Variants in GATAD2B observed in about 807,000 individuals in gnomAD.
GATAD2B encodes the protein GATA zinc finger domain containing 2B, also known as transcriptional repressor p66-beta.
In GATAD2B, 8 loss-of-function variants were observed where a neutral mutation model predicts 64.3. The ratio of observed to expected loss-of-function variants is 0.12; its 90% CI spans 0.07 to 0.22. GATAD2B has a LOEUF of 0.22. GATAD2B is among the 10% of genes least tolerant of loss of function. GATAD2B has a pLI of 1.00. For synonymous variants in GATAD2B, 281 were observed against 271.3 expected (o/e 1.04, Z -0.35); for missense variants, 453 against 752.0 (o/e 0.60, Z 4.65).
At position 153,919,846 on chromosome 1, in the gene GATAD2B, T is replaced by C. The variant is rs150755363; in HGVS notation, c.-2+2887A>G. Among the ~76,000 whole-genome samples, 216 of 152,342 alleles carry C rather than the reference T, an allele frequency of 1.4e-3. 2 individuals are homozygous for C. The highest frequency in any genetic ancestry group is 4.9e-3 in the African/African-American group (205 of 41,582). ...AACTACCTCAGAAAATGTCTGGCTA[T>C]TGTGCCTTGATATGTAATAATGCAG... is the stretch of plus-strand genomic sequence containing the variant. On this transcript the variant is annotated intron_variant, in intron 1 of 10. Coordinates refer to ENST00000368655, the MANE Select transcript of GATAD2B (RefSeq NM_020699.4).
chr1:153,898,326 A>C (rs1374350990), intron 1 of GATAD2B, among the ~76,000 whole-genome samples: 1 of 143,738 alleles, frequency 7.0e-6, no homozygotes, highest in Non-Finnish European at 1.5e-5. Flanking sequence ...AAAAAAAAGA[A>C]AAAAAGAAAA....
At chr1:153,843,127 A>G (rs976603209) in intron 1 of GATAD2B, among the ~76,000 whole-genome samples, 3 of 150,362 alleles carry the variant, frequency 2.0e-5, no homozygotes, top group African/African-American at 7.3e-5. Flanking sequence ...AATTTTTGCC[A>G]CTGTGCCTGG....
In GATAD2B at chr1:153,828,041, C is replaced by T. The variant is rs1674944182; in HGVS notation, c.307G>A (p.Glu103Lys). 6.2e-7 allele frequency: 1 copy of T among 1,614,128 alleles called. No homozygotes were observed. Among genetic ancestry groups the T allele is most frequent in the African/African-American group, 1.3e-5 (1 of 75,036 alleles). Reference protein sequence around the residue: ...GRPGKENINDEPVDMSARRSE... With the variant: ...GRPGKENINDKPVDMSARRSE... ...CGTCTAGCACTCATATCCACAGGCT[C>T]ATCATTGATGTTTTCTTTGCCTGGC... is the stretch of plus-strand genomic sequence containing the variant. The change falls in exon 2 of 11, where the codon GAG (glutamate) becomes AAG (lysine). Residue 103 changes from glutamate to lysine, a missense_variant. By Grantham distance (56) the Glu-to-Lys change is moderately conservative. Around this residue, in one of 2 missense-constraint regions of GATAD2B, gnomAD observed 293 missense variants for 417.2 expected, o/e 0.70. Transcript: ENST00000368655.
At chr1:153,853,163 G>A in intron 1 of GATAD2B, 3 of 1,371,952 alleles carry the variant, frequency 2.2e-6, no homozygotes, top group Non-Finnish European at 3.1e-6. Flanking sequence ...GCCCCTTACA[G>A]ACACGGATAT....
At chr1:153,881,408 C>T (rs929664486) in intron 1 of GATAD2B, among the ~76,000 whole-genome samples, 1 of 152,174 alleles carries the variant, frequency 6.6e-6, no homozygotes, top group African/African-American at 2.4e-5. Flanking sequence ...AAGCCAGAGA[C>T]CCTTACCATT....
At chr1:153,836,598 T>G (rs1321684039) in intron 1 of GATAD2B, among the ~76,000 whole-genome samples, 6 of 146,432 alleles carry the variant, frequency 4.1e-5, no homozygotes, top group Non-Finnish European at 9.0e-5. Context: ...GGGAAGATCA[T>G]TTGAGCCCAG....
intron 2 of GATAD2B, among the ~76,000 whole-genome samples, chr1:153,824,687 C>T (rs1674807914): frequency 6.9e-6 from 1 of 145,652 alleles, no homozygotes; most frequent in Non-Finnish European, 1.5e-5. Flanking sequence ...TATCTATCTG[C>T]AATATAATAC....
chr1:153,920,382 GA>G lies in GATAD2B; in HGVS notation c.-2+2350del, dbSNP rs1479154174. On this transcript the variant is annotated intron_variant, in intron 1 of 10. Coordinates refer to ENST00000368655, the MANE Select transcript of GATAD2B (RefSeq NM_020699.4). The stretch of plus-strand genomic sequence containing the variant: ...AATGGGGGACAGCATACAAGCTTTT[GA>G]AAGTACTTTAAGGTTGTGAGGCTCA... Among the ~76,000 whole-genome samples the G allele has an allele frequency of 2.6e-5, 4 of 152,306 alleles. No individual in the cohort carries two copies. In the South Asian group the frequency reaches 6.2e-4, roughly 24 times the overall value.
chr1:153,900,248 T>A (rs935887496), intron 1 of GATAD2B, among the ~76,000 whole-genome samples: 2 of 151,912 alleles, frequency 1.3e-5, no homozygotes, highest in Non-Finnish European at 2.9e-5. Context: ...AAACCCCATC[T>A]CTACTTAAAA....
chr1:153,894,777 G>A (rs745443304), intron 1 of GATAD2B, among the ~76,000 whole-genome samples: 8 of 151,190 alleles, frequency 5.3e-5, no homozygotes, highest in Non-Finnish European at 7.4e-5. Flanking sequence ...CAGGAGAATC[G>A]CTTGAACCCG....
chr1:153,861,795 A>AAAAAAAAATATAC (rs371843941), intron 1 of GATAD2B, among the ~76,000 whole-genome samples: 1 of 98,550 alleles, frequency 1.0e-5, no homozygotes, highest in African/African-American at 3.6e-5. Context: ...AAAAAAAAAA[A>AAAAAAAAATATAC]ATATATATAT....
chr1:153,844,174 G>T (rs540503301), intron 1 of GATAD2B, among the ~76,000 whole-genome samples: 1 of 152,118 alleles, frequency 6.6e-6, no homozygotes, highest in African/African-American at 2.4e-5. Context: ...TCAGAGTGCT[G>T]ATCAGCACAT....
At chr1:153,862,164 C>T (rs1676322135) in intron 1 of GATAD2B, among the ~76,000 whole-genome samples, 1 of 141,412 alleles carries the variant, frequency 7.1e-6, no homozygotes, top group South Asian at 2.3e-4. Context: ...GCTCTGTCAC[C>T]CAGGATGGAG....
intron 1 of GATAD2B, among the ~76,000 whole-genome samples, chr1:153,844,839 C>T (rs969092814): frequency 2.0e-5 from 3 of 150,090 alleles, no homozygotes; most frequent in African/African-American, 7.4e-5. Flanking sequence ...GTGCAGCCCA[C>T]CAGCATGGCA....
intron 5 of GATAD2B, 66 bp downstream of exon 5, chr1:153,817,974 G>T: frequency 7.2e-7 from 1 of 1,396,998 alleles, no homozygotes; most frequent in Non-Finnish European, 9.6e-7. Context: ...CTTCACAAAA[G>T]CCCAAAAACA....
At chr1:153,842,666 ATG>A in intron 1 of GATAD2B, among the ~76,000 whole-genome samples, 1 of 150,910 alleles carries the variant, frequency 6.6e-6, no homozygotes, top group Non-Finnish European at 1.5e-5. Context: ...GTATGTATGT[ATG>A]TATGAGATGG....
chr1:153,836,672 A>G (rs1463155978), intron 1 of GATAD2B, among the ~76,000 whole-genome samples: 1 of 152,048 alleles, frequency 6.6e-6, no homozygotes, highest in East Asian at 1.9e-4. Context: ...ACAGAGCAAG[A>G]CCCTGTCTCT....
chr1:153,826,071 G>A (rs565589988), intron 2 of GATAD2B, among the ~76,000 whole-genome samples: 2 of 151,178 alleles, frequency 1.3e-5, no homozygotes, highest in African/African-American at 4.9e-5. Flanking sequence ...TGGAGCAATC[G>A]CGGCTCACTG....
rs776953440 is a variant in GATAD2B, at chr1:153,818,095, A to G, written c.674T>C (p.Leu225Pro). Residue 225 changes from leucine (L) to proline (P), a missense_variant, in exon 5 of 11, where the codon CTT (leucine) becomes CCT (proline). Coordinates refer to ENST00000368655, the MANE Select transcript of GATAD2B (RefSeq NM_020699.4). ...CCCTTGGGCCCCAGGCCGAGAGGGAAGCTTAGATAGGCCCTGCTGTCCCAC... is the reference window on the plus strand; with the variant it reads ...CCCTTGGGCCCCAGGCCGAGAGGGAGGCTTAGATAGGCCCTGCTGTCCCAC... ...AHVGQQGLSKLPSRPGAQGVE... is the reference protein window; with the variant it reads ...AHVGQQGLSKPPSRPGAQGVE... 2 of 1,613,254 alleles carry G rather than the reference A, an allele frequency of 1.2e-6. No individual in the cohort carries two copies. The highest frequency in any genetic ancestry group is 2.2e-5 in the South Asian group (2 of 91,016).
Sources: allele counts gnomAD v4.1 joint callset (sites outside exome capture counted in the v4.1 genomes callset), GRCh38; gene constraint gnomAD v4.1.1; regional missense constraint gnomAD v4.1.1; transcripts MANE v1.5; gene names NCBI Gene and HGNC (gene_info 2026-07-23, HGNC 2026-07-21).